MATCAP2: variants seen among roughly 807,000 people sequenced by gnomAD.
MATCAP2 encodes putative tyrosine carboxypeptidase MATCAP2.
At chr7:36,382,299 CAAAAA>C in the MATCAP2 span, among the ~76,000 whole-genome samples, 12 of 62,924 alleles carry the variant, frequency 1.9e-4, no homozygotes, top group Non-Finnish European at 2.6e-4. Context: ...GCGTCTGTCT[CAAAAA>C]AAAAAAAAAA....
chr7:36,333,731 C>G, the MATCAP2 span: 4 of 843,134 alleles, frequency 4.7e-6, no homozygotes, highest in Non-Finnish European at 5.4e-6. Flanking sequence ...CCAGTTCTGA[C>G]CTCAGGTAAC....
chr7:36,385,835 A>G, the MATCAP2 span, among the ~76,000 whole-genome samples: 1 of 148,154 alleles, frequency 6.7e-6, no homozygotes, highest in African/African-American at 2.5e-5. Context: ...AATAAAATAA[A>G]ATAAAATAAA....
chr7:36,328,352 C>T, the MATCAP2 span, among the ~76,000 whole-genome samples: 8 of 151,562 alleles, frequency 5.3e-5, no homozygotes, highest in Non-Finnish European at 1.2e-4. Flanking sequence ...AGCCACAATG[C>T]CCAGCCTTAA....
At chr7:36,331,090 C>T in the MATCAP2 span, 3 of 1,545,220 alleles carry the variant, frequency 1.9e-6, no homozygotes, top group Non-Finnish European at 2.7e-6. Context: ...CTGGAGGAAC[C>T]AGAATAGTGT....
At chr7:36,337,443 A>G in the MATCAP2 span, among the ~76,000 whole-genome samples, 1 of 152,090 alleles carries the variant, frequency 6.6e-6, no homozygotes, top group Non-Finnish European at 1.5e-5. Flanking sequence ...GCCTTTTGGG[A>G]AAAAAAGCTA....
At chr7:36,328,153 C>T in the MATCAP2 span, among the ~76,000 whole-genome samples, 3 of 150,260 alleles carry the variant, frequency 2.0e-5, no homozygotes, top group South Asian at 2.1e-4. Context: ...AGTGTAGCCT[C>T]GAACTCCTGG....
At chr7:36,365,554 G>A in the MATCAP2 span, among the ~76,000 whole-genome samples, 2 of 152,134 alleles carry the variant, frequency 1.3e-5, no homozygotes, top group African/African-American at 4.8e-5. Context: ...ACAAAAATCC[G>A]GCGGGCGTGG....
At chr7:36,336,413 C>G in the MATCAP2 span, 1 of 878,044 alleles carries the variant, frequency 1.1e-6, no homozygotes, top group African/African-American at 1.7e-5. Flanking sequence ...CCAAATTAAA[C>G]TGCAACTGAA....
the MATCAP2 span, chr7:36,357,690 G>A: frequency 3.3e-5 from 29 of 892,104 alleles, 1 homozygote; most frequent in South Asian, 1.3e-4. Context: ...TATAAACTTC[G>A]TAATTTTGCA....
chr7:36,340,798 A>G, the MATCAP2 span, among the ~76,000 whole-genome samples: 1 of 152,216 alleles, frequency 6.6e-6, no homozygotes, highest in African/African-American at 2.4e-5. Context: ...AATCACGTTG[A>G]ATGGCAATGA....
chr7:36,375,970 A>C, the MATCAP2 span, among the ~76,000 whole-genome samples: 8 of 151,476 alleles, frequency 5.3e-5, no homozygotes, highest in East Asian at 1.9e-4. Context: ...CTATTTGATT[A>C]TTCTCTCTTT....
the MATCAP2 span, among the ~76,000 whole-genome samples, chr7:36,360,252 G>A: frequency 1.3e-5 from 2 of 152,046 alleles, no homozygotes; most frequent in Non-Finnish European, 2.9e-5. Flanking sequence ...AAGCATCAGT[G>A]ACCTCCAAAT....
the MATCAP2 span, among the ~76,000 whole-genome samples, chr7:36,346,542 G>A: frequency 6.6e-6 from 1 of 152,214 alleles, no homozygotes; most frequent in Non-Finnish European, 1.5e-5. Flanking sequence ...ACAAGGTATT[G>A]TATGATTCCA....
the MATCAP2 span, chr7:36,355,239 G>C: frequency 6.6e-6 from 1 of 152,172 alleles, no homozygotes; most frequent in African/African-American, 2.4e-5. Context: ...TGCCAAGCAC[G>C]ATGATAACTG....
At chr7:36,362,625 G>GA in the MATCAP2 span, among the ~76,000 whole-genome samples, 1 of 152,316 alleles carries the variant, frequency 6.6e-6, no homozygotes, top group African/African-American at 2.4e-5. Context: ...CTCTTGGTCA[G>GA]ATCCTTCTGC....
the MATCAP2 span, chr7:36,336,253 A>G: frequency 1.2e-5 from 18 of 1,533,792 alleles, no homozygotes; most frequent in Admixed American, 5.9e-5. Flanking sequence ...CAAATTTTTC[A>G]TAACTTCCAT....
chr7:36,364,400 T>C, the MATCAP2 span, among the ~76,000 whole-genome samples: 2 of 152,136 alleles, frequency 1.3e-5, no homozygotes, highest in East Asian at 1.9e-4. Context: ...CAGAACCTTC[T>C]TCTTTAAAAG....
chr7:36,336,306 G>GA, the MATCAP2 span: 1 of 1,504,220 alleles, frequency 6.6e-7, no homozygotes, highest in African/African-American at 1.4e-5. Context: ...GACTGTAAAA[G>GA]AAAGAGAGAT....
chr7:36,342,298 G>A, the MATCAP2 span, among the ~76,000 whole-genome samples: 1 of 151,698 alleles, frequency 6.6e-6, no homozygotes, highest in Non-Finnish European at 1.5e-5. Context: ...TCCTGCCTCA[G>A]CCTCCCAAGT....
Sources: gnomAD v4.1 joint callset for allele counts (sites outside exome capture counted in the v4.1 genomes callset) on GRCh38, gnomAD v4.1.1 for gene constraint, MANE v1.5 for transcripts, NCBI Gene and HGNC (gene_info 2026-07-23, HGNC 2026-07-21) for gene names.